Variants in HCN1 observed in about 807,000 individuals in gnomAD.
HCN1 encodes the protein potassium/sodium hyperpolarization-activated cyclic nucleotide-gated channel 1.
HCN1 carries 13 observed loss-of-function variants against 78.9 expected under a neutral mutation model. That is an observed-to-expected ratio of 0.16 (90% confidence interval 0.11 to 0.26). The LOEUF (loss-of-function observed/expected upper bound fraction) is 0.26. HCN1 is among the 10% of genes least tolerant of loss of function. The probability of loss-of-function intolerance (pLI) is 1.00; values close to 1 mark genes in which losing one functional copy is unlikely to be tolerated. For synonymous variants in HCN1, 552 were observed against 455.5 expected, an observed-to-expected ratio of 1.21 and a Z score of -2.70; for missense variants, 810 against 1,154.3, an observed-to-expected ratio of 0.70 and a Z score of 4.32.
intron 3 of HCN1, among the ~76,000 whole-genome samples, chr5:45,418,210 A>G (rs1046325177): frequency 2.6e-5 from 4 of 151,904 alleles, no homozygotes; most frequent in Non-Finnish European, 5.9e-5. Context: ...ATGATAAAAG[A>G]AAAAGTGTTT....
At chr5:45,511,782 A>G (rs1159833831) in intron 2 of HCN1, among the ~76,000 whole-genome samples, 1 of 152,052 alleles carries the variant, frequency 6.6e-6, no homozygotes, top group Non-Finnish European at 1.5e-5. Context: ...CTAAAAAACT[A>G]AGCAATATGA....
chr5:45,312,154 C>T (rs1745862746), intron 5 of HCN1, among the ~76,000 whole-genome samples: 1 of 152,174 alleles, frequency 6.6e-6, no homozygotes, highest in Non-Finnish European at 1.5e-5. Context: ...CATTCAAGCA[C>T]ACACTTGGGT....
intron 3 of HCN1, among the ~76,000 whole-genome samples, chr5:45,433,787 G>A (rs1181891654): frequency 6.6e-6 from 1 of 152,090 alleles, no homozygotes; most frequent in African/African-American, 2.4e-5. Context: ...CTGAGGAGAA[G>A]CAAAAGTGAA....
intron 5 of HCN1, among the ~76,000 whole-genome samples, chr5:45,340,487 G>C (rs1302407122): frequency 6.6e-6 from 1 of 152,022 alleles, no homozygotes; most frequent in East Asian, 1.9e-4. Context: ...ATTTATTCCT[G>C]ATACTGTCTG....
intron 4 of HCN1, among the ~76,000 whole-genome samples, chr5:45,357,302 T>A (rs1046615174): frequency 1.3e-5 from 2 of 152,114 alleles, no homozygotes; most frequent in South Asian, 4.1e-4. Context: ...TAGGTTGAAC[T>A]CCTCTAGTTG....
At chr5:45,440,311 G>A (rs1480463329) in intron 3 of HCN1, among the ~76,000 whole-genome samples, 1 of 151,998 alleles carries the variant, frequency 6.6e-6, no homozygotes, top group African/African-American at 2.4e-5. Context: ...CTACAACACT[G>A]CCTGGCAAAG....
At chr5:45,654,247 A>AGGGTATTAAG (rs1460736806) in intron 1 of HCN1, among the ~76,000 whole-genome samples, 1 of 152,094 alleles carries the variant, frequency 6.6e-6, no homozygotes, top group African/African-American at 2.4e-5. Flanking sequence ...CAGAACTCCC[A>AGGGTATTAAG]GGGTATTAAG....
chr5:45,273,599 C>G (rs1433143378), intron 6 of HCN1, among the ~76,000 whole-genome samples: 1 of 152,100 alleles, frequency 6.6e-6, no homozygotes, highest in Non-Finnish European at 1.5e-5. Context: ...TGTGCTTAAC[C>G]TGAGCTTCTA....
At chr5:45,281,392 T>C (rs919695355) in intron 6 of HCN1, among the ~76,000 whole-genome samples, 50 of 152,028 alleles carry the variant, frequency 3.3e-4, no homozygotes, top group African/African-American at 1.2e-3. Flanking sequence ...GTAAGTTTTC[T>C]GAGGCCTCCC....
chr5:45,646,040 C>T (rs1391501221), intron 1 of HCN1, among the ~76,000 whole-genome samples: 3 of 151,536 alleles, frequency 2.0e-5, no homozygotes, highest in Non-Finnish European at 2.9e-5. Flanking sequence ...ATTTACCAAT[C>T]ATAGATTAGA....
At chr5:45,573,008 C>A (rs1743865255) in intron 2 of HCN1, among the ~76,000 whole-genome samples, 1 of 152,070 alleles carries the variant, frequency 6.6e-6, no homozygotes, top group Admixed American at 6.6e-5. Context: ...CAAACACCTG[C>A]ATTAGCATTT....
chr5:45,330,429 A>G (rs1746321767), intron 5 of HCN1, among the ~76,000 whole-genome samples: 1 of 151,072 alleles, frequency 6.6e-6, no homozygotes. Context: ...CATCATATAT[A>G]TACATATGAT....
chr5:45,428,538 T>C (rs10941696), intron 3 of HCN1, among the ~76,000 whole-genome samples: 8,302 of 152,206 alleles, frequency 0.055, 304 homozygotes, highest in East Asian at 0.14. Flanking sequence ...TTAGCAAATT[T>C]TGTATTTAAG....
chr5:45,373,012 A>T (rs1384734538), intron 4 of HCN1, among the ~76,000 whole-genome samples: 2 of 138,270 alleles, frequency 1.4e-5, no homozygotes, highest in East Asian at 4.4e-4. Context: ...AATTATATAA[A>T]ATATATATAT....
At chr5:45,627,005 A>G (rs1045282588) in intron 2 of HCN1, among the ~76,000 whole-genome samples, 2 of 151,804 alleles carry the variant, frequency 1.3e-5, no homozygotes, top group African/African-American at 2.4e-5. Context: ...ATATATATAT[A>G]TGTATGTGTG....
chr5:45,376,279 A>ATATAGAATATATATTCTATATTC (rs1747669074), intron 4 of HCN1, among the ~76,000 whole-genome samples: 1 of 135,910 alleles, frequency 7.4e-6, no homozygotes. Context: ...TCTATATAGA[A>ATATAGAATATATATTCTATATTC]TATATAGATA....
chr5:45,285,964 G>A (rs942084611), intron 6 of HCN1, among the ~76,000 whole-genome samples: 2 of 151,700 alleles, frequency 1.3e-5, no homozygotes, highest in African/African-American at 4.8e-5. Flanking sequence ...TTTATAGTTT[G>A]GGGAGACAAA....
At chr5:45,386,138 T>C (rs1452368704) in intron 4 of HCN1, among the ~76,000 whole-genome samples, 9 of 152,028 alleles carry the variant, frequency 5.9e-5, no homozygotes, top group Admixed American at 4.6e-4. Context: ...ATACTTATTG[T>C]ACTTACCATT....
chr5:45,317,261 C>T (rs537667752), intron 5 of HCN1, among the ~76,000 whole-genome samples: 156 of 152,136 alleles, frequency 1.0e-3, no homozygotes, highest in Non-Finnish European at 1.8e-3. Flanking sequence ...GAAATAATAC[C>T]ACACATCTAC....
Sources: allele counts gnomAD v4.1 joint callset (sites outside exome capture counted in the v4.1 genomes callset), GRCh38; gene constraint gnomAD v4.1.1; transcripts MANE v1.5; gene names NCBI Gene and HGNC (gene_info 2026-07-23, HGNC 2026-07-21).